The following ADAMTS12 variants were observed in gnomAD, a reference collection of about 807,000 sequenced individuals.
ADAMTS12 encodes the protein ADAM metallopeptidase with thrombospondin type 1 motif 12, also known as A disintegrin and metalloproteinase with thrombospondin motifs 12.
In ADAMTS12, 118 loss-of-function variants were observed where a neutral mutation model predicts 167.8. The observed-to-expected ratio is 0.70, with a 90% CI of 0.61 to 0.82. ADAMTS12 has a LOEUF of 0.82. Ranked by LOEUF, ADAMTS12 falls within the 40% of genes least tolerant of loss-of-function variation. The pLI, the probability that ADAMTS12 is intolerant of heterozygous loss-of-function variation, is 0.00. For missense variants in ADAMTS12, 1,916 were observed against 1,998.8 expected (o/e 0.96, Z 0.79); for synonymous variants, 704 against 716.9 (o/e 0.98, Z 0.29).
chr5:33,747,175 G>A (rs1031658004), intron 3 of ADAMTS12, among the ~76,000 whole-genome samples: 8 of 152,180 alleles, frequency 5.3e-5, no homozygotes, highest in South Asian at 2.1e-4. Context: ...GGGACTAAGC[G>A]AAAAAGGAAA....
intron 9 of ADAMTS12, among the ~76,000 whole-genome samples, chr5:33,643,886 A>G (rs991435872): frequency 6.6e-6 from 1 of 152,250 alleles, no homozygotes; most frequent in Non-Finnish European, 1.5e-5. Flanking sequence ...TGCTCAGTGA[A>G]GAAAATGGAA....
At chr5:33,668,374 G>A (rs1366790403) in intron 5 of ADAMTS12, among the ~76,000 whole-genome samples, 1 of 152,152 alleles carries the variant, frequency 6.6e-6, no homozygotes, top group African/African-American at 2.4e-5. Flanking sequence ...ATCATAAATG[G>A]AACCATTGTA....
At chr5:33,694,417 G>A (rs1012287348) in intron 3 of ADAMTS12, among the ~76,000 whole-genome samples, 3 of 152,102 alleles carry the variant, frequency 2.0e-5, no homozygotes, top group Non-Finnish European at 4.4e-5. Context: ...TGATTTCTTG[G>A]TTGTTTAAAA....
intron 17 of ADAMTS12, 122 bp from the exon 18 acceptor site, chr5:33,588,931 C>T: frequency 8.3e-7 from 1 of 1,205,110 alleles, no homozygotes; most frequent in South Asian, 1.3e-5. Context: ...GGAGACACTC[C>T]AACCCACTAG....
chr5:33,820,596 A>G (rs1016794921), intron 2 of ADAMTS12, among the ~76,000 whole-genome samples: 2 of 152,110 alleles, frequency 1.3e-5, no homozygotes, highest in South Asian at 2.1e-4. Context: ...TTGATTATGG[A>G]GTTGGGTTTT....
intron 20 of ADAMTS12, among the ~76,000 whole-genome samples, chr5:33,560,758 C>G (rs10447124): frequency 0.32 from 37,850 of 116,556 alleles, 6,735 homozygotes; most frequent in Middle Eastern, 0.53. Flanking sequence ...CATCACACAC[C>G]GGGGCCTGTT....
Position 33,534,852 on chromosome 5 carries a change from C to G in ADAMTS12, c.4587G>C (p.Gln1529His). The stretch of plus-strand genomic sequence containing the variant: ...ACCCACCGGCACTTTTCTTGCAGGC[C>G]TGCTGGTTGCATTTTTTGAATTCTG... ...RPPEFKKCNQQACKKSADLLC... is the reference protein window; with the variant it reads ...RPPEFKKCNQHACKKSADLLC... Residue 1529 changes from glutamine to histidine, a missense_variant, in exon 23 of 24, where the codon CAG becomes CAC. Coordinates refer to ENST00000504830, the MANE Select transcript of ADAMTS12 (RefSeq NM_030955.4). 4.3e-6 allele frequency: 7 copies of G among 1,613,670 alleles called. No homozygotes were observed. The highest frequency in any genetic ancestry group is 5.9e-6 in the Non-Finnish European group (7 of 1,179,844).
At chr5:33,660,686 C>G (rs974717610) in intron 6 of ADAMTS12, among the ~76,000 whole-genome samples, 2 of 152,140 alleles carry the variant, frequency 1.3e-5, no homozygotes, top group Non-Finnish European at 2.9e-5. Flanking sequence ...CTCGGTGTCC[C>G]CAGGCTGTCT....
Position 33,716,434 on chromosome 5 carries a change from T to G in ADAMTS12, c.635-32379A>C, listed in dbSNP as rs544398213. Reference sequence around the variant, plus strand: ...CCTAAAACTTATGGTTTTATTGTCTTGTAGAAAATCAACCAATTGTGTATC... The same window carrying G: ...CCTAAAACTTATGGTTTTATTGTCTGGTAGAAAATCAACCAATTGTGTATC... On this transcript the variant is annotated intron_variant, in intron 3 of 23. Transcript: ENST00000504830. Among the ~76,000 whole-genome samples the G allele has an allele frequency of 1.0e-3, 153 of 152,280 alleles. 1 individual carries two copies. The highest frequency in any genetic ancestry group is 3.4e-3 in the African/African-American group (143 of 41,582).
chr5:33,544,465 C>T (rs1392070927), intron 22 of ADAMTS12, among the ~76,000 whole-genome samples: 1 of 152,036 alleles, frequency 6.6e-6, no homozygotes, highest in Non-Finnish European at 1.5e-5. Context: ...CAATGCCATC[C>T]CCATCAAGCT....
At chr5:33,618,104 AT>A (rs34799100) in intron 14 of ADAMTS12, among the ~76,000 whole-genome samples, 3 of 152,208 alleles carry the variant, frequency 2.0e-5, no homozygotes, top group Non-Finnish European at 4.4e-5. Context: ...ACTAATACAT[AT>A]TTTTTGTGTT....
intron 3 of ADAMTS12, among the ~76,000 whole-genome samples, chr5:33,697,944 A>G (rs1362513317): frequency 6.6e-6 from 1 of 152,218 alleles, no homozygotes; most frequent in Non-Finnish European, 1.5e-5. Flanking sequence ...CTAAGAATCC[A>G]TTGTTTGAGT....
chr5:33,595,927 T>C lies in ADAMTS12; in HGVS notation c.2654+7A>G. 3 of 1,614,022 alleles carry C rather than the reference T, an allele frequency of 1.9e-6. No homozygotes were observed. The highest frequency in any genetic ancestry group is 2.5e-6 in the Non-Finnish European group (3 of 1,179,894). Reference sequence around the variant, plus strand: ...CACACAGAGCTCCAGCTGTTAGCGATGGTTACCTGGGTGGACAAGCCTTTT... The same window carrying C: ...CACACAGAGCTCCAGCTGTTAGCGACGGTTACCTGGGTGGACAAGCCTTTT... On this transcript the variant is annotated splice_region_variant and intron_variant, in intron 17 of 23. Transcript: ENST00000504830.
chr5:33,701,263 C>T (rs1486002539), intron 3 of ADAMTS12, among the ~76,000 whole-genome samples: 1 of 152,150 alleles, frequency 6.6e-6, no homozygotes, highest in Non-Finnish European at 1.5e-5. Flanking sequence ...ATCTGAGCAC[C>T]CTTAGAACTT....
At chr5:33,770,800 CCTT>C (rs34039298) in intron 2 of ADAMTS12, among the ~76,000 whole-genome samples, 16,996 of 151,416 alleles carry the variant, frequency 0.11, 1,188 homozygotes, top group Non-Finnish European at 0.15. Context: ...TCCTTCTCCT[CCTT>C]CTTCTTCTTC....
chr5:33,876,226 A>C (rs1582561), intron 2 of ADAMTS12, among the ~76,000 whole-genome samples: 54,150 of 152,004 alleles, frequency 0.36, 9,935 homozygotes, highest in African/African-American at 0.44. Flanking sequence ...ATTCTTCCCA[A>C]ACTAATATAT....
intron 2 of ADAMTS12, among the ~76,000 whole-genome samples, chr5:33,855,678 T>TA (rs894778753): frequency 1.4e-4 from 21 of 151,072 alleles, no homozygotes; most frequent in Non-Finnish European, 2.7e-4. Context: ...ATGTTTTTTT[T>TA]CTCTGCATAT....
chr5:33,863,158 C>T (rs2111701514), intron 2 of ADAMTS12, among the ~76,000 whole-genome samples: 1 of 152,318 alleles, frequency 6.6e-6, no homozygotes, highest in Non-Finnish European at 1.5e-5. Context: ...TCTCTCACCA[C>T]TCCTATTCAA....
intron 2 of ADAMTS12, among the ~76,000 whole-genome samples, chr5:33,764,885 G>A (rs1360581750): frequency 1.3e-5 from 2 of 150,582 alleles, no homozygotes; most frequent in East Asian, 1.9e-4. Flanking sequence ...TTGCACCCCC[G>A]ATTCTTACCA....
Sources: allele counts gnomAD v4.1 joint callset (sites outside exome capture counted in the v4.1 genomes callset), GRCh38; gene constraint gnomAD v4.1.1; transcripts MANE v1.5; gene names NCBI Gene and HGNC (gene_info 2026-07-23, HGNC 2026-07-21).